The following GALNT15 variants were observed in gnomAD, a reference collection of about 807,000 sequenced individuals.
The protein encoded by GALNT15 is UDP-GalNAc transferase T15.
A neutral mutation model predicts 66.8 loss-of-function variants in GALNT15; 67 were observed. The ratio of observed to expected loss-of-function variants is 1.00; its 90% confidence interval spans 0.82 to 1.23. The LOEUF (loss-of-function observed/expected upper bound fraction) is 1.23. Ranked by LOEUF, GALNT15 falls within the 50% of genes most tolerant of loss-of-function variation. GALNT15 has a pLI of 0.00. For synonymous variants in GALNT15, 313 were observed against 311.5 expected, an observed-to-expected ratio of 1.00 and a Z score of -0.05; for missense variants, 827 against 804.3, an observed-to-expected ratio of 1.03 and a Z score of -0.34.
In GALNT15 at chr3:16,229,120, G is replaced by A. The variant is rs1197781415; in HGVS notation, c.*1620G>A. On this transcript the variant is annotated 3_prime_UTR_variant, in exon 10 of 10. Transcript: ENST00000339732. ...TAAAGATGCTAATCTCCTTTGGGCT[G>A]TCTCAGAACACAGTATCCTTCAAAT... 1.0e-6 allele frequency: 1 copy of A among 985,304 alleles called. No homozygotes were observed. The highest frequency in any genetic ancestry group is 1.2e-6 in the Non-Finnish European group (1 of 829,930). The allele number at this position is 985,304 out of a possible 1,614,324, so 61.0% of individuals were successfully genotyped here.
the GALNT15 span, among the ~76,000 whole-genome samples, chr3:16,244,848 G>A: frequency 6.6e-6 from 1 of 152,186 alleles, no homozygotes; most frequent in Non-Finnish European, 1.5e-5. Context: ...TAACTCCAAA[G>A]TTCAGTAAGG....
At position 16,219,852 on chromosome 3, in the gene GALNT15, C is replaced by T. The variant is rs1025877174; in HGVS notation, c.1525-58C>T. 9.6e-6 allele frequency: 13 copies of T among 1,360,216 alleles called. No individual in the cohort carries two copies. The highest frequency in any genetic ancestry group is 3.4e-5 in the Admixed American group (2 of 59,688). The allele number at this position is 1,360,216 out of a possible 1,614,324, so 84.3% of individuals were successfully genotyped here. On this transcript the variant is annotated intron_variant, in intron 7 of 9. Coordinates refer to ENST00000339732, the MANE Select transcript of GALNT15 (RefSeq NM_054110.5). This position sits in a 1 kb window ranked among gnomAD's most constrained non-coding sequence, Gnocchi z 4.3. ...ATACAGCAAAGGAATGGTGTCTGAC[C>T]GAGGGTGTCTTTACAGTGGAATCTG...
At position 16,208,567 on chromosome 3, in the gene GALNT15, A is replaced by G. The variant is rs1342383474; in HGVS notation, c.976A>G (p.Lys326Glu). Residue 326 changes from lysine to glutamate, a missense_variant, in exon 4 of 10, where the codon AAG (lysine) becomes GAG (glutamate). Coordinates refer to ENST00000339732, the MANE Select transcript of GALNT15 (RefSeq NM_054110.5). ...GAAGACTTTCCAGTATTACCCCTCA[A>G]AGGACCTGCAGCGTGGGGTGTTGGA... ...DWKTFQYYPS[K>E]DLQRGVLDWK... 5 of 1,613,946 alleles carry G rather than the reference A, an allele frequency of 3.1e-6. No homozygotes were observed. The highest frequency in any genetic ancestry group is 3.3e-4 in the Middle Eastern group (2 of 6,084).
In GALNT15 at chr3:16,204,068, G is replaced by A. The variant is rs2063731696; in HGVS notation, c.911+3245G>A. On this transcript the variant is annotated intron_variant, in intron 3 of 9. Coordinates refer to ENST00000339732, the MANE Select transcript of GALNT15 (RefSeq NM_054110.5). The surrounding 1 kb of genome is among the most constrained non-coding windows in gnomAD (Gnocchi z 4.5). ...GAGCTCTTATAAAAAAAAAAAAGTG[G>A]GGTGGGAGTGGTGAGTGAACAGTGC... Among the ~76,000 whole-genome samples, 1 of 152,038 alleles carries A rather than the reference G, an allele frequency of 6.6e-6. No homozygotes were observed.
chr3:16,211,205 G>A lies in GALNT15; in HGVS notation c.1161G>A (p.Ser387=), dbSNP rs756866951. The change falls in exon 5 of 10, where the codon TCG becomes TCA. Residue 387 remains serine (S), a synonymous_variant. Transcript: ENST00000339732. The surrounding 1 kb of genome is among the most constrained non-coding windows in gnomAD (Gnocchi z 4.3). Reference sequence around the variant, plus strand: ...CTGGAGCGTATGACTCTCTTATGTCGCTGCGAGGTGGTGAAAACCTCGAAC... The same window carrying A: ...CTGGAGCGTATGACTCTCTTATGTCACTGCGAGGTGGTGAAAACCTCGAAC... ...QNTGAYDSLM[S]LRGGENLELS... is the part of the protein sequence containing the mutation. 8 of 1,613,720 alleles carry A rather than the reference G, an allele frequency of 5.0e-6. No individual in the cohort carries two copies. Among genetic ancestry groups the A allele is most frequent in the African/African-American group, 1.3e-5 (1 of 75,034 alleles).
chr3:16,208,387 C>T (rs2063779624), intron 3 of GALNT15, 116 bp from the exon 4 acceptor site: 3 of 925,780 alleles, frequency 3.2e-6, no homozygotes, highest in Admixed American at 2.3e-5. Context: ...TGGATAAACC[C>T]ATTTTAGGTA....
rs192536246 is a variant in GALNT15, at chr3:16,191,860, A to G, written c.540-3900A>G. On this transcript the variant is annotated intron_variant, in intron 1 of 9. Coordinates refer to ENST00000339732, the MANE Select transcript of GALNT15 (RefSeq NM_054110.5). The surrounding 1 kb of genome is among the most constrained non-coding windows in gnomAD (Gnocchi z 5.2). ...TTGAAAGTAGTTCAGTGGATGTCTCATGCTATACTGTAGAATAGTTGTTTA... is the reference window on the plus strand; with the variant it reads ...TTGAAAGTAGTTCAGTGGATGTCTCGTGCTATACTGTAGAATAGTTGTTTA... 8.6e-4 allele frequency among the ~76,000 whole-genome samples: 131 copies of G among 152,362 alleles called. 2 individuals are homozygous for G. The highest frequency in any genetic ancestry group is 8.6e-3 in the Admixed American group (131 of 15,308).
At chr3:16,210,813 C>T (rs1452237310) in intron 4 of GALNT15, among the ~76,000 whole-genome samples, 1 of 152,232 alleles carries the variant, frequency 6.6e-6, no homozygotes, top group Non-Finnish European at 1.5e-5. Context: ...TCTTCCCAAA[C>T]ATCTTTCCAG....
chr3:16,228,643 A>G lies in GALNT15; in HGVS notation c.*1143A>G, dbSNP rs2064048986. On this transcript the variant is annotated 3_prime_UTR_variant, in exon 10 of 10. Transcript: ENST00000339732. ...GTGACAGAGTGAGACTCCATCTCAAAAAAAAAAAAAAAGAGAGAAACTCTC... is the reference window on the plus strand; with the variant it reads ...GTGACAGAGTGAGACTCCATCTCAAGAAAAAAAAAAAAGAGAGAAACTCTC... 1.9e-6 allele frequency: 1 copy of G among 540,192 alleles called. No individual in the cohort carries two copies. The highest frequency in any genetic ancestry group is 7.7e-5 in the South Asian group (1 of 12,994). 33.5% of individuals were successfully genotyped at this position (540,192 alleles called of 1,614,324 possible).
chr3:16,211,257 AG>A lies in GALNT15; in HGVS notation c.1197+19del. 1 of 1,521,880 alleles carries A rather than the reference AG, an allele frequency of 6.6e-7. No homozygotes were observed. Among genetic ancestry groups the A allele is most frequent in the Non-Finnish European group, 9.1e-7 (1 of 1,095,810 alleles). 94.3% of individuals were successfully genotyped at this position (1,521,880 alleles called of 1,614,324 possible). On this transcript the variant is annotated intron_variant, in intron 5 of 9. Coordinates refer to ENST00000339732, the MANE Select transcript of GALNT15 (RefSeq NM_054110.5). This position sits in a 1 kb window ranked among gnomAD's most constrained non-coding sequence, Gnocchi z 4.3. Reference sequence around the variant, plus strand: ...GTCTTTCAAGGTATGTCCTGGACCAAGGGAGGACAGAGGTGGGATCTCTGGA... The same window carrying A: ...GTCTTTCAAGGTATGTCCTGGACCAAGGAGGACAGAGGTGGGATCTCTGGA...
At chr3:16,185,300 C>T (rs899696034) in intron 1 of GALNT15, among the ~76,000 whole-genome samples, 3 of 152,084 alleles carry the variant, frequency 2.0e-5, no homozygotes, top group South Asian at 2.1e-4. Flanking sequence ...TAAAAAAAGA[C>T]GATATTCTTA....
the GALNT15 span, among the ~76,000 whole-genome samples, chr3:16,237,569 A>G: frequency 6.6e-6 from 1 of 152,222 alleles, no homozygotes; most frequent in African/African-American, 2.4e-5. The surrounding 1 kb of genome is among the most constrained non-coding windows in gnomAD (Gnocchi z 4.2). Context: ...ACCATGCACA[A>G]GGGACAGGCA....
the GALNT15 span, among the ~76,000 whole-genome samples, chr3:16,242,689 A>G: frequency 6.6e-6 from 1 of 152,186 alleles, no homozygotes; most frequent in African/African-American, 2.4e-5. This position sits in a 1 kb window ranked among gnomAD's most constrained non-coding sequence, Gnocchi z 5.6. Flanking sequence ...CGAGGCAAGA[A>G]GATCACTTGA....
In GALNT15 at chr3:16,209,789, T is replaced by C. The variant is rs1442645515; in HGVS notation, c.1079+1119T>C. 6.6e-6 allele frequency among the ~76,000 whole-genome samples: 1 copy of C among 152,172 alleles called. No individual in the cohort carries two copies. Among genetic ancestry groups the C allele is most frequent in the Non-Finnish European group, 1.5e-5 (1 of 68,030 alleles). Reference sequence around the variant, plus strand: ...ATGAGCTGAGACCACACTACTGCACTCTAGCCTGGGTGACAGAGCAAGATT... The same window carrying C: ...ATGAGCTGAGACCACACTACTGCACCCTAGCCTGGGTGACAGAGCAAGATT... On this transcript the variant is annotated intron_variant, in intron 4 of 9. Transcript: ENST00000339732. This position sits in a 1 kb window ranked among gnomAD's most constrained non-coding sequence, Gnocchi z 4.1.
In GALNT15 at chr3:16,183,347, C is replaced by T. The variant is rs2063488116; in HGVS notation, c.539+7657C>T. ...GCCTCAGCTCCAGGCTGTGTCCCAG[C>T]CCTAGCAGCCTCAGGCCTGGCCTAG... On this transcript the variant is annotated intron_variant, in intron 1 of 9. Coordinates refer to ENST00000339732, the MANE Select transcript of GALNT15 (RefSeq NM_054110.5). This position sits in a 1 kb window ranked among gnomAD's most constrained non-coding sequence, Gnocchi z 5.2. The T allele has an allele frequency of 6.6e-6, 1 of 152,224 alleles. No individual in the cohort carries two copies. Among genetic ancestry groups the T allele is most frequent in the African/African-American group, 2.4e-5 (1 of 41,456 alleles). 9.4% of individuals were successfully genotyped at this position (152,224 alleles called of 1,614,324 possible).
chr3:16,192,896 C>A (rs376414600), intron 1 of GALNT15, among the ~76,000 whole-genome samples: 2 of 152,118 alleles, frequency 1.3e-5, no homozygotes, highest in East Asian at 1.9e-4. Context: ...TTGCTAAAGT[C>A]CATAGGAATT....
At position 16,229,630 on chromosome 3, in the gene GALNT15, GA is replaced by G. The variant is rs1194275649; in HGVS notation, c.*2138del. ...CGTGTAAATGGTATTAGCGGCTGAA[GA>G]AAAAAAATTTTTCAAGACCTCTGTT... On this transcript the variant is annotated 3_prime_UTR_variant, in exon 10 of 10. Coordinates refer to ENST00000339732, the MANE Select transcript of GALNT15 (RefSeq NM_054110.5). 7.1e-6 allele frequency: 7 copies of G among 985,214 alleles called. No homozygotes were observed. Among genetic ancestry groups the G allele is most frequent in the East Asian group, 1.1e-4 (1 of 8,822 alleles). 61.0% of individuals were successfully genotyped at this position (985,214 alleles called of 1,614,324 possible). A position where few individuals can be genotyped will look rare whatever the true frequency, so the allele number is the denominator to read the frequency against.
At chr3:16,216,165 G>A (rs1018932072) in intron 6 of GALNT15, among the ~76,000 whole-genome samples, 2 of 152,120 alleles carry the variant, frequency 1.3e-5, no homozygotes, top group African/African-American at 4.8e-5. Context: ...GAATCTATAT[G>A]GTTCTGCAGC....
At chr3:16,210,901 G>A (rs1435325296) in intron 4 of GALNT15, among the ~76,000 whole-genome samples, 1 of 152,234 alleles carries the variant, frequency 6.6e-6, no homozygotes, top group East Asian at 1.9e-4. Context: ...TGAGGACAGA[G>A]TATAGAAGGC....
Sources: allele counts gnomAD v4.1 joint callset (sites outside exome capture counted in the v4.1 genomes callset), GRCh38; gene constraint gnomAD v4.1.1; non-coding constraint Gnocchi (gnomAD v3.1); transcripts MANE v1.5; gene names NCBI Gene and HGNC (gene_info 2026-07-23, HGNC 2026-07-21).